Variants in KIRREL3 observed in about 807,000 individuals in gnomAD.
KIRREL3 encodes kin of IRRE-like protein 3.
A neutral mutation model predicts 89.7 loss-of-function variants in KIRREL3; 36 were observed. The observed-to-expected ratio is 0.40, with a 90% CI of 0.31 to 0.53. The LOEUF is 0.53. Ranked by LOEUF, KIRREL3 falls within the 20% of genes least tolerant of loss-of-function variation. The pLI, the probability that KIRREL3 is intolerant of heterozygous loss-of-function variation, is 0.49. For missense variants in KIRREL3, 864 were observed against 1,056.6 expected, an observed-to-expected ratio of 0.82 and a Z score of 2.53; for synonymous variants, 445 against 441.4, an observed-to-expected ratio of 1.01 and a Z score of -0.10.
chr11:126,547,885 G>A (rs1175330925), intron 2 of KIRREL3, among the ~76,000 whole-genome samples: 1 of 152,198 alleles, frequency 6.6e-6, no homozygotes, highest in Non-Finnish European at 1.5e-5. Flanking sequence ...AAGAAGGCCA[G>A]GCTTTGGCGT....
chr11:126,674,225 ATCT>A (rs891648109), intron 1 of KIRREL3, among the ~76,000 whole-genome samples: 2 of 152,218 alleles, frequency 1.3e-5, no homozygotes, highest in African/African-American at 4.8e-5. Flanking sequence ...CAAAGACTGT[ATCT>A]TCTGCTTCTC....
At chr11:126,765,419 A>G (rs1230202177) in intron 1 of KIRREL3, among the ~76,000 whole-genome samples, 5 of 152,198 alleles carry the variant, frequency 3.3e-5, no homozygotes, top group Non-Finnish European at 5.9e-5. Flanking sequence ...ACCCACTGCC[A>G]TGCCTGCTCA....
chr11:126,984,221 A>G (rs555529221), intron 1 of KIRREL3, among the ~76,000 whole-genome samples: 1 of 152,308 alleles, frequency 6.6e-6, no homozygotes, highest in Non-Finnish European at 1.5e-5. Flanking sequence ...AAGCCCTCAC[A>G]AAAAGGTATT....
In KIRREL3 at chr11:126,669,595, C is replaced by T. The variant is rs1357003398; in HGVS notation, c.56-106683G>A. Reference sequence around the variant, plus strand: ...GCACACATGGAACATTTGCTAACTCCGTGGTTGACTCATTCAAGCCCTCCC... The same window carrying T: ...GCACACATGGAACATTTGCTAACTCTGTGGTTGACTCATTCAAGCCCTCCC... On this transcript the variant is annotated intron_variant, in intron 1 of 16. Transcript: ENST00000525144. The surrounding 1 kb of genome is among the most constrained non-coding windows in gnomAD (Gnocchi z 5.0). 1.3e-5 allele frequency among the ~76,000 whole-genome samples: 2 copies of T among 152,152 alleles called. No homozygotes were observed. Among genetic ancestry groups the T allele is most frequent in the Admixed American group, 6.5e-5 (1 of 15,274 alleles).
At chr11:126,552,603 T>C (rs1939373331) in intron 2 of KIRREL3, among the ~76,000 whole-genome samples, 1 of 136,132 alleles carries the variant, frequency 7.3e-6, no homozygotes, top group Non-Finnish European at 1.5e-5. Flanking sequence ...TTGCTGTTGC[T>C]CCGGCTGAAG....
chr11:126,972,261 T>C (rs1949447067), intron 1 of KIRREL3, among the ~76,000 whole-genome samples: 1 of 149,312 alleles, frequency 6.7e-6, no homozygotes, highest in South Asian at 2.1e-4. Flanking sequence ...AGGGTAAAAG[T>C]CTCCAGATGT....
At chr11:126,599,721 C>T (rs1942562497) in intron 1 of KIRREL3, among the ~76,000 whole-genome samples, 1 of 152,222 alleles carries the variant, frequency 6.6e-6, no homozygotes, top group African/African-American at 2.4e-5. Flanking sequence ...ACTCCCTCAT[C>T]TCTGGTCCAT....
rs1591762930 is a variant in KIRREL3, at chr11:126,574,878, C to A, written c.56-11966G>T. 6.6e-6 allele frequency among the ~76,000 whole-genome samples: 1 copy of A among 152,200 alleles called. No homozygotes were observed. The highest frequency in any genetic ancestry group is 6.5e-5 in the Admixed American group (1 of 15,286). Reference sequence around the variant, plus strand: ...TAGGAATGAATAGTACGAGAAAATACCTGGGTCCACACTGGCAATTCCTGG... The same window carrying A: ...TAGGAATGAATAGTACGAGAAAATAACTGGGTCCACACTGGCAATTCCTGG... On this transcript the variant is annotated intron_variant, in intron 1 of 16. Coordinates refer to ENST00000525144, the MANE Select transcript of KIRREL3 (RefSeq NM_032531.4). The surrounding 1 kb of genome is among the most constrained non-coding windows in gnomAD (Gnocchi z 5.3).
At position 126,709,839 on chromosome 11, in the gene KIRREL3, G is replaced by A. The variant is rs566297169; in HGVS notation, c.56-146927C>T. 3.5e-4 allele frequency among the ~76,000 whole-genome samples: 53 copies of A among 152,292 alleles called. No homozygotes were observed. Among genetic ancestry groups the A allele is most frequent in the African/African-American group, 1.2e-3 (50 of 41,560 alleles). On this transcript the variant is annotated intron_variant, in intron 1 of 16. Coordinates refer to ENST00000525144, the MANE Select transcript of KIRREL3 (RefSeq NM_032531.4). The surrounding 1 kb of genome is among the most constrained non-coding windows in gnomAD (Gnocchi z 4.0). ...CCCAGGGAAACTAATACAGGAGGCC[G>A]GGCAGGCATTGTCCAAGGGAGCTGG...
In KIRREL3 at chr11:126,808,106, C is replaced by T. The variant is rs906595027; in HGVS notation, c.55+192349G>A. 1.3e-5 allele frequency among the ~76,000 whole-genome samples: 2 copies of T among 152,154 alleles called. No individual in the cohort carries two copies. Among genetic ancestry groups the T allele is most frequent in the African/African-American group, 4.8e-5 (2 of 41,430 alleles). ...TGCAAGTGGTAGATGCTCTCCAGGC[C>T]AGCTGCAGGACTGCAGATACTGACC... On this transcript the variant is annotated intron_variant, in intron 1 of 16. Transcript: ENST00000525144. This position sits in a 1 kb window ranked among gnomAD's most constrained non-coding sequence, Gnocchi z 4.1.
intron 4 of KIRREL3, among the ~76,000 whole-genome samples, chr11:126,517,501 G>C (rs1958457875): frequency 6.6e-6 from 1 of 152,102 alleles, no homozygotes; most frequent in Non-Finnish European, 1.5e-5. Context: ...AGGGGTGGTT[G>C]GGGGGGATCC....
rs1940282389 is a variant in KIRREL3, at chr11:126,563,490, A to G, written c.56-578T>C. 6.6e-6 allele frequency among the ~76,000 whole-genome samples: 1 copy of G among 152,080 alleles called. No homozygotes were observed. Among genetic ancestry groups the G allele is most frequent in the Admixed American group, 6.5e-5 (1 of 15,270 alleles). On this transcript the variant is annotated intron_variant, in intron 1 of 16. Coordinates refer to ENST00000525144, the MANE Select transcript of KIRREL3 (RefSeq NM_032531.4). The surrounding 1 kb of genome is among the most constrained non-coding windows in gnomAD (Gnocchi z 6.8). Reference sequence around the variant, plus strand: ...CAGAAGAGCTCTCTCTACCTTTTGGAGAGGGTGCGTTTCTGGTGCTAGAGA... The same window carrying G: ...CAGAAGAGCTCTCTCTACCTTTTGGGGAGGGTGCGTTTCTGGTGCTAGAGA...
chr11:126,988,966 C>T (rs1949948678), intron 1 of KIRREL3, among the ~76,000 whole-genome samples: 2 of 152,084 alleles, frequency 1.3e-5, no homozygotes, highest in Non-Finnish European at 2.9e-5. Flanking sequence ...TAAGGTATCC[C>T]AAAACACTAA....
chr11:126,690,841 C>G (rs545565462), intron 1 of KIRREL3, among the ~76,000 whole-genome samples: 6 of 152,202 alleles, frequency 3.9e-5, no homozygotes, highest in Admixed American at 2.0e-4. Flanking sequence ...TCTGTGAAAT[C>G]CTTGTCATTT....
chr11:126,955,567 T>TTCC lies in KIRREL3; in HGVS notation c.55+44885_55+44887dup. Among the ~76,000 whole-genome samples the TTCC allele has an allele frequency of 6.6e-6, 1 of 152,298 alleles. No individual in the cohort carries two copies. Among genetic ancestry groups the TTCC allele is most frequent in the Middle Eastern group, 3.4e-3 (1 of 294 alleles). ...TCCAGTGTGTGTTGGCCAGGGAGAC[T>TTCC]TCCTTGCTGCATTCTATCTCACTCC... On this transcript the variant is annotated intron_variant, in intron 1 of 16. Transcript: ENST00000525144. This position sits in a 1 kb window ranked among gnomAD's most constrained non-coding sequence, Gnocchi z 4.6.
At chr11:126,875,672 T>C (rs2134687769) in intron 1 of KIRREL3, among the ~76,000 whole-genome samples, 1 of 152,358 alleles carries the variant, frequency 6.6e-6, no homozygotes, top group African/African-American at 2.4e-5. Flanking sequence ...TAGCAAGCAT[T>C]CAAAGTGACA....
Position 126,640,360 on chromosome 11 carries a change from G to A in KIRREL3, c.56-77448C>T, listed in dbSNP as rs527862996. 5.3e-5 allele frequency among the ~76,000 whole-genome samples: 8 copies of A among 151,920 alleles called. No homozygotes were observed. The highest frequency in any genetic ancestry group is 1.9e-4 in the East Asian group (1 of 5,146). On this transcript the variant is annotated intron_variant, in intron 1 of 16. Transcript: ENST00000525144. The surrounding 1 kb of genome is among the most constrained non-coding windows in gnomAD (Gnocchi z 4.9). Reference sequence around the variant, plus strand: ...CACACACACAGACGCGCGTGTGCGCGCGCACACACACGCACACGCGCACAC... The same window carrying A: ...CACACACACAGACGCGCGTGTGCGCACGCACACACACGCACACGCGCACAC...
At chr11:126,482,780 C>T (rs2134312974) in intron 4 of KIRREL3, among the ~76,000 whole-genome samples, 1 of 152,314 alleles carries the variant, frequency 6.6e-6, no homozygotes, top group South Asian at 2.1e-4. Flanking sequence ...GCTTGGCATC[C>T]CCTCCCTCTG....
rs1317477168 is a variant in KIRREL3, at chr11:126,642,401, A to G, written c.56-79489T>C. 6.6e-6 allele frequency among the ~76,000 whole-genome samples: 1 copy of G among 152,220 alleles called. No homozygotes were observed. The highest frequency in any genetic ancestry group is 1.5e-5 in the Non-Finnish European group (1 of 68,036). On this transcript the variant is annotated intron_variant, in intron 1 of 16. Coordinates refer to ENST00000525144, the MANE Select transcript of KIRREL3 (RefSeq NM_032531.4). This position sits in a 1 kb window ranked among gnomAD's most constrained non-coding sequence, Gnocchi z 4.9. ...CATTTATTCCAGGACTCCTACAGGG[A>G]ACAGGAGGGGAAGAAAATTGCCTCT...
Sources: gnomAD v4.1 joint callset for allele counts (sites outside exome capture counted in the v4.1 genomes callset) on GRCh38, gnomAD v4.1.1 for gene constraint, Gnocchi (gnomAD v3.1) non-coding constraint, MANE v1.5 for transcripts, NCBI Gene and HGNC (gene_info 2026-07-23, HGNC 2026-07-21) for gene names.